Variants in AGBL4 observed in about 807,000 individuals in gnomAD.
AGBL4 encodes the protein cytosolic carboxypeptidase 6.
AGBL4 carries 58 observed loss-of-function variants against 66.4 expected under a neutral mutation model. The observed-to-expected ratio is 0.87, with a 90% CI of 0.71 to 1.09. The LOEUF is 1.09. AGBL4 is among the 50% of genes least tolerant of loss of function. The pLI, the probability that AGBL4 is intolerant of heterozygous loss-of-function variation, is 0.00. For missense variants in AGBL4, 579 were observed against 631.0 expected (o/e 0.92, Z 0.88); for synonymous variants, 234 against 222.9 (o/e 1.05, Z -0.44).
intron 4 of AGBL4, among the ~76,000 whole-genome samples, chr1:49,160,933 G>C (rs1046624879): frequency 1.3e-5 from 2 of 152,186 alleles, no homozygotes; most frequent in Non-Finnish European, 1.5e-5. Flanking sequence ...GTCAACCTCA[G>C]ACTGCTGTGG....
At chr1:49,692,182 C>A (rs1398416024) in intron 3 of AGBL4, among the ~76,000 whole-genome samples, 1 of 152,044 alleles carries the variant, frequency 6.6e-6, no homozygotes, top group African/African-American at 2.4e-5. Context: ...TTTCACAAGA[C>A]CCCTATGAAT....
intron 6 of AGBL4, among the ~76,000 whole-genome samples, chr1:48,684,259 GA>G (rs1161247984): frequency 6.6e-6 from 1 of 152,244 alleles, no homozygotes; most frequent in Non-Finnish European, 1.5e-5. Flanking sequence ...CCAAGTCTGT[GA>G]AGCCCTGGAC....
intron 6 of AGBL4, among the ~76,000 whole-genome samples, chr1:48,851,109 C>G (rs1319133284): frequency 2.0e-5 from 3 of 152,188 alleles, no homozygotes; most frequent in South Asian, 4.1e-4. Flanking sequence ...TTATTATCGC[C>G]CCCTGCAGTG....
chr1:49,709,985 G>A (rs1210802512), intron 2 of AGBL4, among the ~76,000 whole-genome samples: 7 of 152,182 alleles, frequency 4.6e-5, no homozygotes, highest in Non-Finnish European at 1.0e-4. Context: ...GCTTTACACT[G>A]TTGGTGGGAG....
intron 5 of AGBL4, among the ~76,000 whole-genome samples, chr1:48,959,430 A>C (rs1657770062): frequency 6.6e-6 from 1 of 152,216 alleles, no homozygotes; most frequent in African/African-American, 2.4e-5. Context: ...TGTTTGGGGC[A>C]CTAGAAATAT....
chr1:49,242,789 T>C (rs1193130656), intron 4 of AGBL4, among the ~76,000 whole-genome samples: 1 of 151,846 alleles, frequency 6.6e-6, no homozygotes, highest in East Asian at 1.9e-4. Context: ...TTCCAGCTTC[T>C]CCATTTGCTG....
chr1:49,863,748 A>C (rs1314802621), intron 1 of AGBL4, among the ~76,000 whole-genome samples: 1 of 152,190 alleles, frequency 6.6e-6, no homozygotes, highest in Non-Finnish European at 1.5e-5. Context: ...CCTCTCTCAA[A>C]ATGGCTAATA....
intron 11 of AGBL4, among the ~76,000 whole-genome samples, chr1:48,582,584 G>A (rs940638908): frequency 2.0e-5 from 3 of 152,214 alleles, no homozygotes; most frequent in Non-Finnish European, 4.4e-5. Flanking sequence ...GGAAAGCCAT[G>A]TAGTCTGCAT....
chr1:48,774,221 C>T (rs1644968988), intron 6 of AGBL4, among the ~76,000 whole-genome samples: 2 of 152,218 alleles, frequency 1.3e-5, no homozygotes, highest in Admixed American at 1.3e-4. Flanking sequence ...GGGGATTCCT[C>T]CTCACACCTG....
chr1:49,111,588 T>C (rs935770664), intron 4 of AGBL4, among the ~76,000 whole-genome samples: 2 of 152,230 alleles, frequency 1.3e-5, no homozygotes, highest in Non-Finnish European at 2.9e-5. Context: ...CATCTAAGTA[T>C]GTCTCTCATG....
At chr1:48,774,259 T>G (rs908496595) in intron 6 of AGBL4, among the ~76,000 whole-genome samples, 4 of 152,200 alleles carry the variant, frequency 2.6e-5, no homozygotes, top group African/African-American at 7.2e-5. Context: ...TATTTACATA[T>G]AGGAGATGCC....
chr1:49,156,633 T>G (rs1646435752), intron 4 of AGBL4, among the ~76,000 whole-genome samples: 1 of 152,132 alleles, frequency 6.6e-6, no homozygotes, highest in African/African-American at 2.4e-5. Context: ...TCTTGTGACA[T>G]GGAAGCTGGC....
intron 2 of AGBL4, among the ~76,000 whole-genome samples, chr1:49,802,761 T>C (rs957231851): frequency 1.3e-5 from 2 of 152,108 alleles, no homozygotes; most frequent in African/African-American, 4.8e-5. Context: ...GCTTTCACTA[T>C]CTTGTGTGTG....
At chr1:49,294,196 A>T (rs1380838249) in intron 3 of AGBL4, among the ~76,000 whole-genome samples, 1 of 152,194 alleles carries the variant, frequency 6.6e-6, no homozygotes, top group Non-Finnish European at 1.5e-5. Flanking sequence ...TAAAATTGAT[A>T]TTAATGGTAT....
chr1:49,448,340 C>T (rs60827717), intron 3 of AGBL4, among the ~76,000 whole-genome samples: 4,919 of 152,212 alleles, frequency 0.032, 272 homozygotes, highest in African/African-American at 0.11. Context: ...ATGTTGGCTT[C>T]CTTCTCCCCG....
At chr1:48,948,962 T>C (rs113540016) in intron 5 of AGBL4, among the ~76,000 whole-genome samples, 1 of 152,188 alleles carries the variant, frequency 6.6e-6, no homozygotes, top group African/African-American at 2.4e-5. Flanking sequence ...TCACTCTGTG[T>C]TACAGTATGC....
rs1643914641 is a variant in AGBL4 at position 48,532,932 on chromosome 1, A to G, written c.*1241T>C. The stretch of plus-strand genomic sequence containing the variant: ...GCTGTATATACAACATGACATTTGT[A>G]GCCAATCAACATATGGCTCTTTGTC... On this transcript the variant is annotated 3_prime_UTR_variant, in exon 14 of 14. Coordinates refer to ENST00000371839, the MANE Select transcript of AGBL4 (RefSeq NM_032785.4). 6.6e-6 allele frequency: 1 copy of G among 152,244 alleles called. No homozygotes were observed. The highest frequency in any genetic ancestry group is 2.4e-5 in the African/African-American group (1 of 41,448). The allele number at this position is 152,244 out of a possible 1,614,324, so 9.4% of individuals were successfully genotyped here.
chr1:50,007,396 A>T (rs1661217135), intron 1 of AGBL4, among the ~76,000 whole-genome samples: 1 of 152,206 alleles, frequency 6.6e-6, no homozygotes, highest in South Asian at 2.1e-4. Context: ...AAATGGACTA[A>T]ACTCTCCAAT....
At chr1:48,910,317 A>G (rs1652979391) in intron 5 of AGBL4, among the ~76,000 whole-genome samples, 1 of 152,246 alleles carries the variant, frequency 6.6e-6, no homozygotes, top group Non-Finnish European at 1.5e-5. Context: ...TTCACTGAAC[A>G]TTATTATTGA....
Sources: gnomAD v4.1 joint callset for allele counts (sites outside exome capture counted in the v4.1 genomes callset) on GRCh38, gnomAD v4.1.1 for gene constraint, MANE v1.5 for transcripts, NCBI Gene and HGNC (gene_info 2026-07-23, HGNC 2026-07-21) for gene names.